The following DNAI4 variants were observed in gnomAD, a reference collection of about 807,000 sequenced individuals.
The protein encoded by DNAI4 is dynein axonemal intermediate chain 4.
A neutral mutation model predicts 105.8 loss-of-function variants in DNAI4; 85 were observed. That is an observed-to-expected ratio of 0.80 (90% CI 0.67 to 0.96). The LOEUF (loss-of-function observed/expected upper bound fraction) is 0.96. Among genes scored for constraint, DNAI4 ranks in the 40% least tolerant of loss-of-function variants. The pLI is 0.00. For missense variants in DNAI4, 1,014 were observed against 1,005.6 expected, an observed-to-expected ratio of 1.01 and a Z score of -0.11; for synonymous variants, 352 against 331.5, an observed-to-expected ratio of 1.06 and a Z score of -0.67.
chr1:66,871,576 T>G, intron 5 of DNAI4, 67 bp from the exon 6 acceptor site: 1 of 1,381,760 alleles, frequency 7.2e-7, no homozygotes, highest in Non-Finnish European at 9.6e-7. Flanking sequence ...TCTCTTTATA[T>G]TATTCTTTTC....
intron 1 of DNAI4, among the ~76,000 whole-genome samples, chr1:66,922,540 T>C (rs1272712172): frequency 6.6e-6 from 1 of 152,162 alleles, no homozygotes; most frequent in Non-Finnish European, 1.5e-5. Context: ...ACTTGAGAAA[T>C]GTTTTGAGCA....
intron 10 of DNAI4, among the ~76,000 whole-genome samples, chr1:66,837,044 T>G (rs1043660294): frequency 3.3e-5 from 5 of 152,228 alleles, no homozygotes; most frequent in African/African-American, 1.2e-4. Flanking sequence ...GGTATTCATA[T>G]ATTAAGAAAC....
At chr1:66,895,558 T>C (rs1357420198) in intron 2 of DNAI4, among the ~76,000 whole-genome samples, 1 of 152,338 alleles carries the variant, frequency 6.6e-6, no homozygotes, top group East Asian at 1.9e-4. Context: ...AACGTTTTCT[T>C]TCTTCCTTTC....
chr1:66,905,335 C>A lies in DNAI4; in HGVS notation c.211G>T (p.Ala71Ser). ...TTCACTGAAGTTGCTTTCATTGTAG[C>A]AAAAAAGCTAATAGACTTCTTTGGT... is the stretch of plus-strand genomic sequence containing the variant. ...TQPKKSISFF[A>S]TMKATSVKGY... The change falls in exon 2 of 17, where the codon GCT (alanine) becomes TCT (serine). Residue 71 changes from alanine to serine, a missense_variant. Physicochemically the swap from Ala to Ser is moderately conservative, Grantham distance 99. Coordinates refer to ENST00000371026, the MANE Select transcript of DNAI4 (RefSeq NM_024763.5). The A allele has an allele frequency of 6.6e-7, 1 of 1,521,002 alleles. No individual in the cohort carries two copies. The highest frequency in any genetic ancestry group is 8.9e-7 in the Non-Finnish European group (1 of 1,122,162). 94.2% of individuals were successfully genotyped at this position (1,521,002 alleles called of 1,614,324 possible). A position where few individuals can be genotyped will look rare whatever the true frequency, so the allele number is the denominator to read the frequency against.
At chr1:66,840,389 A>C (rs1646123995) in intron 9 of DNAI4, 80 bp downstream of exon 9, 1 of 1,367,918 alleles carries the variant, frequency 7.3e-7, no homozygotes, top group African/African-American at 1.4e-5. Flanking sequence ...ATATCTAAGG[A>C]AAACAATTCT....
chr1:66,884,057 A>G (rs1287254728), intron 4 of DNAI4, among the ~76,000 whole-genome samples: 1 of 152,200 alleles, frequency 6.6e-6, no homozygotes, highest in Non-Finnish European at 1.5e-5. Context: ...TAGATTCCAC[A>G]TATAACTGAG....
At chr1:66,853,346 T>C (rs1646436271) in intron 7 of DNAI4, among the ~76,000 whole-genome samples, 1 of 152,238 alleles carries the variant, frequency 6.6e-6, no homozygotes, top group South Asian at 2.1e-4. Flanking sequence ...TACATGATTC[T>C]AGTGTTGACC....
chr1:66,863,954 T>C (rs1487994611), intron 6 of DNAI4, among the ~76,000 whole-genome samples: 1 of 152,220 alleles, frequency 6.6e-6, no homozygotes, highest in African/African-American at 2.4e-5. Context: ...TTCTTTTTCT[T>C]TTGTTTAACT....
chr1:66,827,651 G>A (rs1027671557), intron 14 of DNAI4, among the ~76,000 whole-genome samples, 161 bp downstream of exon 14: 9 of 152,066 alleles, frequency 5.9e-5, no homozygotes, highest in Admixed American at 1.3e-4. Flanking sequence ...AAAATGCCCC[G>A]TACATTATTG....
intron 10 of DNAI4, among the ~76,000 whole-genome samples, chr1:66,836,062 G>A (rs934936801): frequency 1.3e-5 from 2 of 150,638 alleles, no homozygotes; most frequent in Non-Finnish European, 3.0e-5. Flanking sequence ...AGGCTGAGGT[G>A]GGAGGATCAC....
intron 16 of DNAI4, among the ~76,000 whole-genome samples, chr1:66,821,816 G>C (rs1645632674): frequency 6.6e-6 from 1 of 151,800 alleles, no homozygotes; most frequent in Admixed American, 6.6e-5. Flanking sequence ...AAGAAATAGA[G>C]AAAAAATGAA....
chr1:66,844,217 T>A (rs998374564), intron 8 of DNAI4, among the ~76,000 whole-genome samples: 36 of 152,092 alleles, frequency 2.4e-4, no homozygotes, highest in African/African-American at 8.4e-4. Flanking sequence ...TATATATTTA[T>A]CTTAAAACAT....
intron 1 of DNAI4, among the ~76,000 whole-genome samples, chr1:66,924,193 C>T (rs750673614): frequency 1.8e-4 from 28 of 152,218 alleles, no homozygotes; most frequent in Non-Finnish European, 3.4e-4. Context: ...ATTTTTTAGA[C>T]AGAGTCTCGC....
At position 66,859,736 on chromosome 1, in the gene DNAI4, C is replaced by T. The variant is rs577290648; in HGVS notation, c.1096+2411G>A. Among the ~76,000 whole-genome samples, 38 of 151,944 alleles carry T rather than the reference C, an allele frequency of 2.5e-4. No individual in the cohort carries two copies. The South Asian group carries it at 4.2e-3, about 17-fold the overall frequency. ...ATATTGTATGACTCCAACTATATGA[C>T]AATGTGGAAAAGACGAAACTATAAA... On this transcript the variant is annotated intron_variant, in intron 7 of 16. Coordinates refer to ENST00000371026, the MANE Select transcript of DNAI4 (RefSeq NM_024763.5).
chr1:66,905,674 A>G (rs1050247485), intron 1 of DNAI4, among the ~76,000 whole-genome samples: 1 of 152,168 alleles, frequency 6.6e-6, no homozygotes, highest in African/African-American at 2.4e-5. Flanking sequence ...CCAGGCAGTC[A>G]GATCCTAAGT....
At position 66,817,757 on chromosome 1, in the gene DNAI4, G is replaced by T. The variant is rs114017682; in HGVS notation, c.2497-3577C>A. On this transcript the variant is annotated intron_variant, in intron 16 of 16. Transcript: ENST00000371026. Reference sequence around the variant, plus strand: ...AACATGGGCAAGGTTGCAGACTTCTGTGAGATGATGGAGGACTTAGGTAAT... The same window carrying T: ...AACATGGGCAAGGTTGCAGACTTCTTTGAGATGATGGAGGACTTAGGTAAT... 2.7e-3 allele frequency among the ~76,000 whole-genome samples: 404 copies of T among 152,276 alleles called. 5 individuals carry two copies. Among genetic ancestry groups the T allele is most frequent in the African/African-American group, 9.1e-3 (380 of 41,566 alleles).
intron 7 of DNAI4, among the ~76,000 whole-genome samples, chr1:66,858,532 C>CAAAAAAAAAAAAAAAAAAA (rs3033717): frequency 1.3e-4 from 8 of 63,596 alleles, no homozygotes; most frequent in African/African-American, 4.5e-4. Flanking sequence ...GACTCCGTCT[C>CAAAAAAAAAAAAAAAAAAA]AAAAAAAAAA....
At chr1:66,901,316 T>A (rs187346930) in intron 2 of DNAI4, among the ~76,000 whole-genome samples, 14 of 152,306 alleles carry the variant, frequency 9.2e-5, no homozygotes, top group African/African-American at 3.4e-4. Context: ...TCTTTCTTCT[T>A]TCTAATACAA....
At chr1:66,875,110 G>C (rs1646933877) in intron 4 of DNAI4, among the ~76,000 whole-genome samples, 173 bp from the exon 5 acceptor site, 1 of 152,070 alleles carries the variant, frequency 6.6e-6, no homozygotes, top group African/African-American at 2.4e-5. Context: ...AGCCAAATTG[G>C]ATCTTGTAGG....
Sources: gnomAD v4.1 joint callset for allele counts (sites outside exome capture counted in the v4.1 genomes callset) on GRCh38, gnomAD v4.1.1 for gene constraint, MANE v1.5 for transcripts, NCBI Gene and HGNC (gene_info 2026-07-23, HGNC 2026-07-21) for gene names.